XRN2: variants seen among roughly 807,000 people sequenced by gnomAD.
The protein encoded by XRN2 is DHM1-like protein.
XRN2 carries 44 observed loss-of-function variants against 138.5 expected under a neutral mutation model. That is an observed-to-expected ratio of 0.32 (90% CI 0.25 to 0.41). The LOEUF (loss-of-function observed/expected upper bound fraction) is 0.41, where lower values mean the gene tolerates loss of function less well. Ranked by LOEUF, XRN2 falls within the 10% of genes least tolerant of loss-of-function variation. XRN2 has a pLI of 1.00. For synonymous variants in XRN2, 354 were observed against 369.4 expected (o/e 0.96, Z 0.48); for missense variants, 937 against 1,169.3 (o/e 0.80, Z 2.90).
intron 14 of XRN2, 74 bp from the exon 15 acceptor site, chr20:21,340,647 C>T (rs2038359326): frequency 6.5e-7 from 1 of 1,529,116 alleles, no homozygotes; most frequent in Non-Finnish European, 8.9e-7. Context: ...TATTCCATTG[C>T]CCTTCTTTCC....
At chr20:21,332,469 A>G in intron 9 of XRN2, 29 bp downstream of exon 9, 1 of 1,453,178 alleles carries the variant, frequency 6.9e-7, no homozygotes, top group Admixed American at 2.6e-5. Flanking sequence ...TAGTTGCCTC[A>G]TTAAAAAAAA....
chr20:21,344,983 C>T lies in XRN2; in HGVS notation c.1529+775C>T, dbSNP rs141041154. ...TCACCTACAGCTCATGCTTCTTTTA[C>T]AGGACATGGAAAGTGTGTGATTTGT... On this transcript the variant is annotated intron_variant, in intron 16 of 29. Transcript: ENST00000377191. Among the ~76,000 whole-genome samples the T allele has an allele frequency of 1.9e-4, 29 of 152,326 alleles. No homozygotes were observed. In the East Asian group the frequency reaches 4.8e-3, roughly 25 times the overall value.
At chr20:21,354,916 C>T in intron 21 of XRN2, 44 bp downstream of exon 21, 2 of 1,478,410 alleles carry the variant, frequency 1.4e-6, no homozygotes, top group Non-Finnish European at 9.3e-7. Flanking sequence ...GTGTAATATA[C>T]ACTTTATATT....
chr20:21,375,790 C>T (rs1476214187), intron 27 of XRN2, among the ~76,000 whole-genome samples: 1 of 150,656 alleles, frequency 6.6e-6, no homozygotes, highest in Non-Finnish European at 1.5e-5. Context: ...TAATATCCCA[C>T]TCCCACCAAT....
chr20:21,358,140 C>T (rs970328294), intron 24 of XRN2, among the ~76,000 whole-genome samples: 41 of 152,230 alleles, frequency 2.7e-4, no homozygotes, highest in African/African-American at 9.6e-4. Context: ...ACACAGCTTC[C>T]CTGTATTACA....
intron 18 of XRN2, 32 bp downstream of exon 18, chr20:21,348,285 A>G (rs1160120137): frequency 6.2e-7 from 1 of 1,611,962 alleles, no homozygotes; most frequent in Non-Finnish European, 8.5e-7. Flanking sequence ...CATAAAGTTT[A>G]TAGAATTCTG....
chr20:21,348,712 C>T (rs1414815141), intron 19 of XRN2, among the ~76,000 whole-genome samples: 2 of 152,158 alleles, frequency 1.3e-5, no homozygotes, highest in South Asian at 2.1e-4. Context: ...GTGGCACCAT[C>T]GGCTCACTAC....
chr20:21,353,501 A>G lies in XRN2; in HGVS notation c.1937-1288A>G, dbSNP rs550490081. On this transcript the variant is annotated intron_variant, in intron 20 of 29. Coordinates refer to ENST00000377191, the MANE Select transcript of XRN2 (RefSeq NM_012255.5). ...TAGTTTCTTTTTAACTTAAAAAGAAAAAAAAAAGATCAGGTGCAGTGGCTC... is the reference window on the plus strand; with the variant it reads ...TAGTTTCTTTTTAACTTAAAAAGAAGAAAAAAAGATCAGGTGCAGTGGCTC... Among the ~76,000 whole-genome samples the G allele has an allele frequency of 5.9e-5, 9 of 151,968 alleles. No individual in the cohort carries two copies. In the East Asian group the frequency reaches 1.7e-3, roughly 29 times the overall value.
chr20:21,373,307 A>C (rs756577951), intron 27 of XRN2, among the ~76,000 whole-genome samples: 9 of 152,200 alleles, frequency 5.9e-5, no homozygotes, highest in Non-Finnish European at 1.0e-4. Context: ...CGCGCCCAGC[A>C]GTTCATCTGT....
chr20:21,330,208 C>T (rs781633400), intron 4 of XRN2, among the ~76,000 whole-genome samples: 5 of 152,092 alleles, frequency 3.3e-5, no homozygotes, highest in African/African-American at 7.2e-5. Context: ...GCTTGAACCC[C>T]GGAAGGCGGA....
At chr20:21,332,235 C>A in intron 8 of XRN2, 48 bp from the exon 9 acceptor site, 1 of 1,577,036 alleles carries the variant, frequency 6.3e-7, no homozygotes, top group Non-Finnish European at 8.6e-7. Context: ...GGTAAGACTT[C>A]TCTCAGAATA....
At chr20:21,346,606 A>T (rs774891723) in intron 17 of XRN2, 56 bp downstream of exon 17, 9 of 1,575,218 alleles carry the variant, frequency 5.7e-6, no homozygotes, top group Non-Finnish European at 7.8e-6. Context: ...GAAAAATAGT[A>T]ATTTCTTTTT....
chr20:21,345,121 T>C (rs2038419868), intron 16 of XRN2, among the ~76,000 whole-genome samples: 1 of 152,246 alleles, frequency 6.6e-6, no homozygotes, highest in Admixed American at 6.5e-5. Context: ...TGTATATCTT[T>C]AGTTTCTATC....
intron 20 of XRN2, among the ~76,000 whole-genome samples, chr20:21,352,780 C>T (rs1310040939): frequency 6.6e-6 from 1 of 152,088 alleles, no homozygotes; most frequent in Non-Finnish European, 1.5e-5. Flanking sequence ...AGAGTTAAGA[C>T]CTGAACTCAG....
chr20:21,334,549 A>T (rs2038259545), intron 13 of XRN2, among the ~76,000 whole-genome samples: 1 of 152,180 alleles, frequency 6.6e-6, no homozygotes, highest in African/African-American at 2.4e-5. Context: ...GGTTAAGAAG[A>T]ATTGACAATG....
At chr20:21,353,803 A>AAC (rs1275896262) in intron 20 of XRN2, among the ~76,000 whole-genome samples, 1 of 151,712 alleles carries the variant, frequency 6.6e-6, no homozygotes, top group South Asian at 2.1e-4. Flanking sequence ...TTAAAAAAAA[A>AAC]AAAAAAACAA....
intron 1 of XRN2, among the ~76,000 whole-genome samples, chr20:21,324,626 C>CTACTGTT (rs2038097330): frequency 6.6e-6 from 1 of 151,800 alleles, no homozygotes; most frequent in Admixed American, 6.6e-5. Context: ...TTCCTTTCCT[C>CTACTGTT]TAAGTTGATC....
chr20:21,372,583 C>T (rs568179910), intron 27 of XRN2, among the ~76,000 whole-genome samples: 4 of 152,190 alleles, frequency 2.6e-5, no homozygotes, highest in African/African-American at 7.2e-5. Flanking sequence ...TCCACAGTCC[C>T]GAAATAAGCA....
chr20:21,346,102 CAT>C (rs1314018976), intron 16 of XRN2, among the ~76,000 whole-genome samples: 1 of 152,062 alleles, frequency 6.6e-6, no homozygotes, highest in East Asian at 1.9e-4. Flanking sequence ...TACAAAGAAA[CAT>C]ATAAAGTAGT....
Sources: allele counts gnomAD v4.1 joint callset (sites outside exome capture counted in the v4.1 genomes callset), GRCh38; gene constraint gnomAD v4.1.1; transcripts MANE v1.5; gene names NCBI Gene and HGNC (gene_info 2026-07-23, HGNC 2026-07-21).